Variants in FGD4 observed in about 807,000 individuals in gnomAD.
The protein encoded by FGD4 is FYVE, RhoGEF and PH domain containing 4, also known as FYVE, RhoGEF and PH domain-containing protein 4.
In FGD4, 42 loss-of-function variants were observed where a neutral mutation model predicts 102.0. That is an observed-to-expected ratio of 0.41 (90% CI 0.32 to 0.53). FGD4 has a LOEUF of 0.53. FGD4 is among the 20% of genes least tolerant of loss of function. The probability of loss-of-function intolerance (pLI) is 0.21; values close to 1 mark genes in which losing one functional copy is unlikely to be tolerated. For missense variants in FGD4, 902 were observed against 1,078.2 expected (o/e 0.84, Z 2.29); for synonymous variants, 380 against 375.7 (o/e 1.01, Z -0.13).
rs760598516 is a variant in FGD4 at position 32,601,316 on chromosome 12, C to T, written c.1140C>T (p.Gly380=). The change falls in exon 6 of 17, where the codon GGC becomes GGT. Residue 380 remains glycine, a synonymous_variant. Coordinates refer to ENST00000534526, the MANE Select transcript of FGD4 (RefSeq NM_001370298.3). ...AACTGTTGGAAGAAGCAAACCGAGG[C>T]TCGTTTCCAGCAGAGATGGTGAATA... ...YCKLLEEANR[G]SFPAEMVNKI... is the part of the protein sequence containing the mutation. The T allele has an allele frequency of 6.2e-7, 1 of 1,614,108 alleles. No individual in the cohort carries two copies. Among genetic ancestry groups the T allele is most frequent in the Admixed American group, 1.7e-5 (1 of 60,024 alleles).
At chr12:32,563,988 G>C (rs75309889) in intron 1 of FGD4, 149 bp from the exon 2 acceptor site, 1 of 779,974 alleles carries the variant, frequency 1.3e-6, no homozygotes, top group Non-Finnish European at 1.9e-6. Flanking sequence ...GAGGGAGACC[G>C]TGGAAAGAGA....
intron 14 of FGD4, 100 bp downstream of exon 14, chr12:32,625,879 C>CT: frequency 6.6e-7 from 1 of 1,521,052 alleles, no homozygotes; most frequent in Non-Finnish European, 9.1e-7. Flanking sequence ...CAACAAATCA[C>CT]TTAATAAATT....
intron 1 of FGD4, among the ~76,000 whole-genome samples, chr12:32,412,629 A>C (rs1941251249): frequency 6.6e-6 from 1 of 152,050 alleles, no homozygotes; most frequent in Non-Finnish European, 1.5e-5. Flanking sequence ...TGTTGTTTTG[A>C]GATGGAGTCT....
At chr12:32,477,937 G>A (rs78159911) in intron 1 of FGD4, among the ~76,000 whole-genome samples, 5,770 of 152,286 alleles carry the variant, frequency 0.038, 159 homozygotes, top group South Asian at 0.12. Flanking sequence ...ATTCACTCGA[G>A]TCATCTATTA....
intron 1 of FGD4, among the ~76,000 whole-genome samples, chr12:32,443,847 A>T (rs1942527804): frequency 1.3e-5 from 2 of 151,654 alleles, no homozygotes; most frequent in South Asian, 2.1e-4. Context: ...TTATTATGAC[A>T]ATTTTGAAGA....
At chr12:32,430,816 G>T (rs1942019224) in intron 1 of FGD4, among the ~76,000 whole-genome samples, 1 of 152,190 alleles carries the variant, frequency 6.6e-6, no homozygotes, top group African/African-American at 2.4e-5. Context: ...TTCAAGACTG[G>T]GAACTGACTA....
At chr12:32,411,747 G>A (rs1430197337) in intron 1 of FGD4, among the ~76,000 whole-genome samples, 1 of 152,120 alleles carries the variant, frequency 6.6e-6, no homozygotes, top group Non-Finnish European at 1.5e-5. Flanking sequence ...GGCGAAGGTG[G>A]GCAAATTATC....
intron 1 of FGD4, among the ~76,000 whole-genome samples, chr12:32,527,523 G>A (rs1258204956): frequency 6.6e-6 from 1 of 152,118 alleles, no homozygotes; most frequent in Non-Finnish European, 1.5e-5. Flanking sequence ...TCTGCCTCCT[G>A]GGTTCAAGTG....
chr12:32,612,914 A>AT (rs767514930), intron 10 of FGD4, among the ~76,000 whole-genome samples: 22 of 151,424 alleles, frequency 1.5e-4, no homozygotes, highest in Non-Finnish European at 2.7e-4. Context: ...CATCCAGACA[A>AT]TTTTTTTTTC....
intron 8 of FGD4, among the ~76,000 whole-genome samples, chr12:32,610,472 G>C (rs1314233732): frequency 6.6e-6 from 1 of 152,212 alleles, no homozygotes; most frequent in Non-Finnish European, 1.5e-5. Flanking sequence ...CACAGCTCAA[G>C]AGATGAACTA....
chr12:32,601,512 CTG>C, intron 6 of FGD4, 89 bp downstream of exon 6: 1 of 1,445,296 alleles, frequency 6.9e-7, no homozygotes, highest in Non-Finnish European at 9.3e-7. Context: ...CCACACACAA[CTG>C]TAACTAGACA....
At chr12:32,507,867 T>A (rs954176728) in intron 1 of FGD4, among the ~76,000 whole-genome samples, 4 of 152,256 alleles carry the variant, frequency 2.6e-5, no homozygotes, top group African/African-American at 7.2e-5. Flanking sequence ...TGATGTTCTC[T>A]TAGGGGCATC....
chr12:32,418,974 A>T (rs1941529657), intron 1 of FGD4, among the ~76,000 whole-genome samples: 1 of 152,124 alleles, frequency 6.6e-6, no homozygotes, highest in Non-Finnish European at 1.5e-5. Flanking sequence ...CGGGCAGAAG[A>T]TCCTCTCCCT....
chr12:32,478,123 T>C (rs937710570), intron 1 of FGD4, among the ~76,000 whole-genome samples: 11 of 152,250 alleles, frequency 7.2e-5, no homozygotes, highest in Admixed American at 2.6e-4. Flanking sequence ...TGATTAGTAT[T>C]AAGTCTTTGA....
intron 1 of FGD4, among the ~76,000 whole-genome samples, chr12:32,555,897 C>T (rs1944069676): frequency 6.6e-6 from 1 of 152,068 alleles, no homozygotes; most frequent in South Asian, 2.1e-4. Context: ...TCTGTTACAG[C>T]TGGAGCACAG....
intron 1 of FGD4, among the ~76,000 whole-genome samples, chr12:32,530,113 G>T (rs1431275656): frequency 6.6e-6 from 1 of 152,010 alleles, no homozygotes; most frequent in Non-Finnish European, 1.5e-5. Flanking sequence ...CATTTCCATG[G>T]AAAATGGTAA....
chr12:32,616,251 T>A (rs1949444579), intron 10 of FGD4, among the ~76,000 whole-genome samples: 1 of 152,102 alleles, frequency 6.6e-6, no homozygotes, highest in South Asian at 2.1e-4. Context: ...TGGAAAGAGG[T>A]TTCTGTTGAA....
At chr12:32,509,241 C>CTTTTTTTTTTTT (rs35053299) in intron 1 of FGD4, among the ~76,000 whole-genome samples, 1 of 132,692 alleles carries the variant, frequency 7.5e-6, no homozygotes, top group South Asian at 2.4e-4. Context: ...CTTTTATTCT[C>CTTTTTTTTTTTT]TTTTTTTTTT....
At chr12:32,550,510 A>G (rs1943564209) in intron 1 of FGD4, among the ~76,000 whole-genome samples, 1 of 151,768 alleles carries the variant, frequency 6.6e-6, no homozygotes, top group African/African-American at 2.4e-5. Flanking sequence ...TCTCTACAAA[A>G]TATTTTTTAA....
Sources: allele counts gnomAD v4.1 joint callset (sites outside exome capture counted in the v4.1 genomes callset), GRCh38; gene constraint gnomAD v4.1.1; transcripts MANE v1.5; gene names NCBI Gene and HGNC (gene_info 2026-07-23, HGNC 2026-07-21).